ACO2: variants seen among roughly 807,000 people sequenced by gnomAD.
ACO2 encodes aconitate hydratase, mitochondrial.
In ACO2, 31 loss-of-function variants were observed where a neutral mutation model predicts 84.5. The observed-to-expected ratio is 0.37, with a 90% CI of 0.28 to 0.50. The LOEUF (loss-of-function observed/expected upper bound fraction) is 0.50. Among genes scored for constraint, ACO2 ranks in the 20% least tolerant of loss-of-function variants. The pLI is 0.97. For missense variants in ACO2, 685 were observed against 1,029.3 expected (o/e 0.67, Z 4.58); for synonymous variants, 414 against 412.7 (o/e 1.00, Z -0.04).
intron 1 of ACO2, among the ~76,000 whole-genome samples, chr22:41,483,019 C>T (rs1355115595): frequency 6.6e-6 from 1 of 152,150 alleles, no homozygotes; most frequent in Non-Finnish European, 1.5e-5. Context: ...AACCAGGGGG[C>T]TTATGGGAGT....
chr22:41,475,954 A>G (rs1281646442), intron 1 of ACO2, among the ~76,000 whole-genome samples: 2 of 151,360 alleles, frequency 1.3e-5, no homozygotes, highest in Admixed American at 6.6e-5. Context: ...GACTTCTGCC[A>G]CTGGCTTACT....
At chr22:41,481,795 T>C (rs2038091343) in intron 1 of ACO2, among the ~76,000 whole-genome samples, 2 of 152,234 alleles carry the variant, frequency 1.3e-5, no homozygotes, top group African/African-American at 4.8e-5. Flanking sequence ...TCTGCCTTCA[T>C]CTGTTTCATC....
chr22:41,473,410 A>C (rs2037969333), intron 1 of ACO2, among the ~76,000 whole-genome samples: 2 of 152,220 alleles, frequency 1.3e-5, no homozygotes, highest in South Asian at 4.1e-4. Flanking sequence ...AGGCTGAGGC[A>C]GGAGAATCAC....
At position 41,508,048 on chromosome 22, in the gene ACO2, A is replaced by C; in HGVS notation, c.431A>C (p.Lys144Thr). The change falls in exon 3 of 18, where the codon AAG (lysine) becomes ACG (threonine). Residue 144 changes from lysine (K) to threonine (T), a missense_variant and splice_region_variant. By Grantham distance (78) the Lys-to-Thr change is moderately conservative. Around this residue, in one of 5 missense-constraint regions of ACO2, gnomAD observed 92 missense variants for 203.7 expected, o/e 0.45. Transcript: ENST00000216254. ...VGGEKDLRRA[K>T]DINQEVYNFL... ...GGCGAGAAAGACCTGCGCCGGGCCA[A>C]GGTGAGCAGAAGGTGGCTTTGGGGG... The C allele has an allele frequency of 6.2e-7, 1 of 1,607,608 alleles. No individual in the cohort carries two copies. The highest frequency in any genetic ancestry group is 8.5e-7 in the Non-Finnish European group (1 of 1,174,764).
intron 7 of ACO2, 49 bp from the exon 8 acceptor site, chr22:41,518,431 AG>A: frequency 6.9e-7 from 1 of 1,456,242 alleles, no homozygotes; most frequent in South Asian, 1.1e-5. Flanking sequence ...TGAACTCTCA[AG>A]AACAGTTTAT....
At chr22:41,521,850 C>T (rs2066529337) in intron 9 of ACO2, among the ~76,000 whole-genome samples, 1 of 151,838 alleles carries the variant, frequency 6.6e-6, no homozygotes, top group Non-Finnish European at 1.5e-5. Context: ...TCTCGGCTCA[C>T]TGCAGCCTCC....
intron 9 of ACO2, among the ~76,000 whole-genome samples, 162 bp downstream of exon 9, chr22:41,520,438 G>T (rs2066514882): frequency 6.6e-6 from 1 of 152,148 alleles, no homozygotes; most frequent in Non-Finnish European, 1.5e-5. Context: ...AGAAGTGGTG[G>T]CTCATGCTTG....
At chr22:41,493,496 GATA>G (rs1213766051) in intron 1 of ACO2, among the ~76,000 whole-genome samples, 1 of 152,234 alleles carries the variant, frequency 6.6e-6, no homozygotes, top group African/African-American at 2.4e-5. Context: ...GACTGGAGAA[GATA>G]GGTGAACTGG....
intron 1 of ACO2, among the ~76,000 whole-genome samples, chr22:41,485,695 G>C (rs1177744964): frequency 2.0e-5 from 3 of 151,296 alleles, no homozygotes; most frequent in Non-Finnish European, 4.4e-5. Flanking sequence ...CACCCGCCTT[G>C]GCCTCCCAAA....
At position 41,524,985 on chromosome 22, in the gene ACO2, C is replaced by T; in HGVS notation, c.1605+17C>T. The T allele has an allele frequency of 1.2e-6, 2 of 1,614,146 alleles. No homozygotes were observed. The highest frequency in any genetic ancestry group is 1.7e-6 in the Non-Finnish European group (2 of 1,180,016). On this transcript the variant is annotated intron_variant, in intron 13 of 17. Transcript: ENST00000216254. ...CCCAAAGGGGTGAGCGCCCACGCCC[C>T]CTGCTTGCTGGTTGCTGTGTGGCCA...
At chr22:41,496,897 C>T (rs1224985610) in intron 1 of ACO2, among the ~76,000 whole-genome samples, 1 of 152,076 alleles carries the variant, frequency 6.6e-6, no homozygotes, top group Non-Finnish European at 1.5e-5. Context: ...GCTCTGGGTA[C>T]ATACTGGGTT....
intron 1 of ACO2, among the ~76,000 whole-genome samples, chr22:41,481,113 A>C (rs1488099282): frequency 6.6e-6 from 1 of 152,114 alleles, no homozygotes; most frequent in Non-Finnish European, 1.5e-5. Context: ...CCCTCGGCCA[A>C]AATCTCTGCT....
chr22:41,497,954 G>A (rs2066327013), intron 1 of ACO2, among the ~76,000 whole-genome samples: 1 of 151,738 alleles, frequency 6.6e-6, no homozygotes, highest in South Asian at 2.1e-4. Flanking sequence ...GAACATCCTG[G>A]CCAACATGGT....
At chr22:41,518,875 C>T (rs919791540) in intron 8 of ACO2, among the ~76,000 whole-genome samples, 1 of 152,072 alleles carries the variant, frequency 6.6e-6, no homozygotes, top group Non-Finnish European at 1.5e-5. Flanking sequence ...GAACCCGGGA[C>T]GCAGAGGTTG....
At chr22:41,480,551 C>T (rs1273848582) in intron 1 of ACO2, among the ~76,000 whole-genome samples, 3 of 152,178 alleles carry the variant, frequency 2.0e-5, no homozygotes, top group African/African-American at 7.2e-5. Flanking sequence ...CCCCAGTACA[C>T]AGGCAGGCCA....
At chr22:41,470,010 C>T (rs1052539461) in intron 1 of ACO2, among the ~76,000 whole-genome samples, 2 of 152,122 alleles carry the variant, frequency 1.3e-5, no homozygotes, top group African/African-American at 2.4e-5. Flanking sequence ...TGTCAGAATG[C>T]AGTACGAATA....
At position 41,520,165 on chromosome 22, in the gene ACO2, C is replaced by A; in HGVS notation, c.1033-6C>A. ...CTTTCTTCTCCTTGCATGTTTGTTTCTTCAGCTGAAGCCACACATCAATGG... is the reference window on the plus strand; with the variant it reads ...CTTTCTTCTCCTTGCATGTTTGTTTATTCAGCTGAAGCCACACATCAATGG... On this transcript the variant is annotated splice_polypyrimidine_tract_variant and splice_region_variant and intron_variant, in intron 8 of 17. Transcript: ENST00000216254. The A allele has an allele frequency of 6.2e-7, 1 of 1,610,278 alleles. No individual in the cohort carries two copies. Among genetic ancestry groups the A allele is most frequent in the Non-Finnish European group, 8.5e-7 (1 of 1,177,112 alleles).
Position 41,500,300 on chromosome 22 carries a change from A to T in ACO2, c.173+438A>T, listed in dbSNP as rs562105704. On this transcript the variant is annotated intron_variant, in intron 2 of 17. Coordinates refer to ENST00000216254, the MANE Select transcript of ACO2 (RefSeq NM_001098.3). ...AACTAAGATGGGACCTTTTTAATTT[A>T]ATTTTATTTTATTTTATTTTATTTT... 5.1e-3 allele frequency among the ~76,000 whole-genome samples: 758 copies of T among 149,296 alleles called. 3 individuals are homozygous for T. Among genetic ancestry groups the T allele is most frequent in the Middle Eastern group, 0.025 (7 of 282 alleles).
intron 1 of ACO2, among the ~76,000 whole-genome samples, chr22:41,488,806 C>CT (rs2066251998): frequency 6.6e-6 from 1 of 152,134 alleles, no homozygotes; most frequent in Non-Finnish European, 1.5e-5. Context: ...GGAGAGCCTG[C>CT]TTGCTGGGGA....
Sources: gnomAD v4.1 joint callset for allele counts (sites outside exome capture counted in the v4.1 genomes callset) on GRCh38, gnomAD v4.1.1 for gene constraint, gnomAD v4.1.1 regional missense constraint, MANE v1.5 for transcripts, NCBI Gene and HGNC (gene_info 2026-07-23, HGNC 2026-07-21) for gene names.